PCM1: variants seen among roughly 807,000 people sequenced by gnomAD.
PCM1 encodes pericentriolar material 1 protein.
PCM1 carries 157 observed loss-of-function variants against 241.9 expected under a neutral mutation model. The observed-to-expected ratio is 0.65, with a 90% CI of 0.57 to 0.74. The LOEUF (loss-of-function observed/expected upper bound fraction) is 0.74, where lower values mean the gene tolerates loss of function less well. Ranked by LOEUF, PCM1 falls within the 30% of genes least tolerant of loss-of-function variation. PCM1 has a pLI of 0.00. For missense variants in PCM1, 3,478 were observed against 2,360.1 expected (o/e 1.47, Z -9.81); for synonymous variants, 1,085 against 784.9 (o/e 1.38, Z -6.39).
intron 5 of PCM1, among the ~76,000 whole-genome samples, 183 bp downstream of exon 5, chr8:17,939,192 A>G (rs1321740325): frequency 6.6e-6 from 1 of 152,204 alleles, no homozygotes; most frequent in Non-Finnish European, 1.5e-5. Context: ...TTATCCAAAA[A>G]TATTTTAGAA....
chr8:17,984,845 T>G (rs2082094102), intron 24 of PCM1, among the ~76,000 whole-genome samples: 1 of 151,972 alleles, frequency 6.6e-6, no homozygotes, highest in African/African-American at 2.4e-5. Flanking sequence ...TGCTCCAATA[T>G]ACACTGAGTA....
chr8:17,947,178 T>C lies in PCM1; in HGVS notation c.784-8T>C. On this transcript the variant is annotated splice_polypyrimidine_tract_variant and splice_region_variant and intron_variant, in intron 6 of 38. Coordinates refer to ENST00000325083, the MANE Select transcript of PCM1 (RefSeq NM_006197.4). ...TCAGATACAAGTATTGTTGGTCTTA[T>C]TTTCCAGGCCAGAGATCCTCAGCAG... 6.4e-7 allele frequency: 1 copy of C among 1,559,136 alleles called. No individual in the cohort carries two copies. The highest frequency in any genetic ancestry group is 8.7e-7 in the Non-Finnish European group (1 of 1,148,298).
chr8:17,971,126 T>C (rs555076431), intron 22 of PCM1, among the ~76,000 whole-genome samples: 174 of 152,364 alleles, frequency 1.1e-3, no homozygotes, highest in Non-Finnish European at 2.0e-3. Context: ...TATTTTCATA[T>C]AATTTTCATT....
rs116351474 is a variant in PCM1 at position 18,024,062 on chromosome 8, C to T, written c.5842-1299C>T. 4.0e-3 allele frequency among the ~76,000 whole-genome samples: 609 copies of T among 152,294 alleles called. 3 individuals carry two copies. The highest frequency in any genetic ancestry group is 0.013 in the African/African-American group (559 of 41,564). On this transcript the variant is annotated intron_variant, in intron 36 of 38. Coordinates refer to ENST00000325083, the MANE Select transcript of PCM1 (RefSeq NM_006197.4). Reference sequence around the variant, plus strand: ...GACCAAAACCCCCATAAAACAAAGGCCTTTAAAACAGCCTTAATCTTCCTT... The same window carrying T: ...GACCAAAACCCCCATAAAACAAAGGTCTTTAAAACAGCCTTAATCTTCCTT...
chr8:17,937,580 A>G (rs1373607520), intron 4 of PCM1, among the ~76,000 whole-genome samples: 1 of 152,168 alleles, frequency 6.6e-6, no homozygotes, highest in Non-Finnish European at 1.5e-5. Context: ...TAAACTTGCT[A>G]AAGACATGCA....
intron 22 of PCM1, 82 bp downstream of exon 22, chr8:17,969,830 C>G: frequency 9.7e-7 from 1 of 1,035,028 alleles, no homozygotes; most frequent in South Asian, 1.6e-5. Flanking sequence ...GAAAACACAA[C>G]TAGGGAGGAC....
intron 13 of PCM1, among the ~76,000 whole-genome samples, chr8:17,958,213 T>G (rs1187039335): frequency 6.6e-6 from 1 of 152,180 alleles, no homozygotes; most frequent in African/African-American, 2.4e-5. Flanking sequence ...TTAAATAGGT[T>G]AAAGAGATCT....
chr8:18,024,474 C>A (rs1300588644), intron 36 of PCM1, among the ~76,000 whole-genome samples: 1 of 152,096 alleles, frequency 6.6e-6, no homozygotes, highest in Non-Finnish European at 1.5e-5. Flanking sequence ...TCTTCTAACT[C>A]TTTTGTTTGC....
At chr8:17,977,788 G>A (rs2079273492) in intron 23 of PCM1, among the ~76,000 whole-genome samples, 1 of 152,122 alleles carries the variant, frequency 6.6e-6, no homozygotes, top group Non-Finnish European at 1.5e-5. Context: ...CTTGATGAGG[G>A]ACTGACAGCT....
rs1279250346 is a variant in PCM1, at chr8:18,029,518, G to A, written c.*1856G>A. 1.4e-5 allele frequency: 3 copies of A among 213,224 alleles called. No homozygotes were observed. Among genetic ancestry groups the A allele is most frequent in the African/African-American group, 6.8e-5 (3 of 44,244 alleles). The allele number at this position is 213,224 out of a possible 1,614,324, so 13.2% of individuals were successfully genotyped here. A position where few individuals can be genotyped will look rare whatever the true frequency, so the allele number is the denominator to read the frequency against. On this transcript the variant is annotated 3_prime_UTR_variant, in exon 39 of 39. Coordinates refer to ENST00000325083, the MANE Select transcript of PCM1 (RefSeq NM_006197.4). ...TCTCTCTGTCTGCATGCATATTAAA[G>A]TGGAAAAATTGTATTTATATCTTAG...
intron 23 of PCM1, among the ~76,000 whole-genome samples, chr8:17,973,810 T>A (rs1279475947): frequency 6.6e-6 from 1 of 152,148 alleles, no homozygotes; most frequent in Non-Finnish European, 1.5e-5. Flanking sequence ...TAACTCCCTT[T>A]CTTGGAAGTT....
At chr8:17,928,976 C>T (rs1268675869) in intron 2 of PCM1, among the ~76,000 whole-genome samples, 1 of 152,094 alleles carries the variant, frequency 6.6e-6, no homozygotes, top group Non-Finnish European at 1.5e-5. Context: ...ACTCAAGATA[C>T]TTCTATTTTA....
intron 9 of PCM1, among the ~76,000 whole-genome samples, chr8:17,954,665 C>A (rs1421307170): frequency 1.3e-5 from 2 of 152,058 alleles, no homozygotes; most frequent in African/African-American, 2.4e-5. Context: ...AAGTGAGCAA[C>A]AAATAATGAT....
rs201423766 is a variant in PCM1 at position 18,014,590 on chromosome 8, A to G, written c.5591A>G (p.Gln1864Arg). The change falls in exon 36 of 39, where the codon CAA (glutamine) becomes CGA (arginine). Residue 1864 changes from glutamine to arginine, a missense_variant. By Grantham distance (43) the Gln-to-Arg change is conservative. Transcript: ENST00000325083. ...LEREATSKND[Q>R]NNCPVKPCYL... The stretch of plus-strand genomic sequence containing the variant: ...GACTTTCTTTTGATGACAGATGACC[A>G]AAATAACTGTCCTGTGAAACCCTGT... The G allele has an allele frequency of 2.4e-4, 385 of 1,599,030 alleles. No homozygotes were observed. The highest frequency in any genetic ancestry group is 8.4e-4 in the Middle Eastern group (5 of 5,974).
intron 24 of PCM1, among the ~76,000 whole-genome samples, chr8:17,984,970 ACTGGATAGAC>A (rs2082135050): frequency 6.6e-6 from 1 of 151,940 alleles, no homozygotes; most frequent in African/African-American, 2.4e-5. Flanking sequence ...AGTAGACTAT[ACTGGATAGAC>A]CTTAATCTAG....
At chr8:17,984,395 TTC>T (rs2081935387) in intron 24 of PCM1, among the ~76,000 whole-genome samples, 1 of 152,022 alleles carries the variant, frequency 6.6e-6, no homozygotes, top group Non-Finnish European at 1.5e-5. Flanking sequence ...TTTGTGATAG[TTC>T]ATACCTTAAA....
intron 7 of PCM1, among the ~76,000 whole-genome samples, chr8:17,948,923 C>T (rs1171136640): frequency 6.6e-6 from 1 of 152,062 alleles, no homozygotes; most frequent in Non-Finnish European, 1.5e-5. Context: ...TTAGTCAGAG[C>T]TTTAATTCTT....
At chr8:17,959,442 G>A (rs1001251365) in intron 13 of PCM1, among the ~76,000 whole-genome samples, 2 of 151,746 alleles carry the variant, frequency 1.3e-5, no homozygotes, top group African/African-American at 4.8e-5. Context: ...TCAATCTTTC[G>A]CTATTTAGAA....
At position 18,029,530 on chromosome 8, in the gene PCM1, T is replaced by G; in HGVS notation, c.*1868T>G. On this transcript the variant is annotated 3_prime_UTR_variant, in exon 39 of 39. Coordinates refer to ENST00000325083, the MANE Select transcript of PCM1 (RefSeq NM_006197.4). ...CATGCATATTAAAGTGGAAAAATTG[T>G]ATTTATATCTTAGTTATTACCATAG... 9.4e-6 allele frequency: 2 copies of G among 212,040 alleles called. No homozygotes were observed. Among genetic ancestry groups the G allele is most frequent in the East Asian group, 1.4e-4 (2 of 14,176 alleles). The allele number at this position is 212,040 out of a possible 1,614,324, so 13.1% of individuals were successfully genotyped here.
Sources: allele counts gnomAD v4.1 joint callset (sites outside exome capture counted in the v4.1 genomes callset), GRCh38; gene constraint gnomAD v4.1.1; transcripts MANE v1.5; gene names NCBI Gene and HGNC (gene_info 2026-07-23, HGNC 2026-07-21).